Variants in NELL2 observed in about 807,000 individuals in gnomAD.
The protein encoded by NELL2 is protein kinase C-binding protein NELL2.
A neutral mutation model predicts 109.6 loss-of-function variants in NELL2; 41 were observed. The observed-to-expected ratio is 0.37, with a 90% CI of 0.29 to 0.49. The LOEUF (loss-of-function observed/expected upper bound fraction) is 0.49. NELL2 is among the 20% of genes least tolerant of loss of function. NELL2 has a pLI of 0.98. For missense variants in NELL2, 900 were observed against 1,008.3 expected (o/e 0.89, Z 1.45); for synonymous variants, 355 against 344.7 (o/e 1.03, Z -0.33).
chr12:44,745,622 T>A (rs1287905507), intron 9 of NELL2, among the ~76,000 whole-genome samples: 5 of 152,098 alleles, frequency 3.3e-5, no homozygotes, highest in African/African-American at 1.2e-4. Context: ...ACAAAATCAA[T>A]GTACAAAAAT....
At chr12:44,629,260 T>G (rs1946369795) in intron 13 of NELL2, among the ~76,000 whole-genome samples, 2 of 152,214 alleles carry the variant, frequency 1.3e-5, no homozygotes, top group East Asian at 3.8e-4. Context: ...AGTTTAATGT[T>G]AGCTTCAGAA....
chr12:44,517,713 C>G (rs1053294475), intron 19 of NELL2, among the ~76,000 whole-genome samples: 15 of 152,008 alleles, frequency 9.9e-5, no homozygotes, highest in African/African-American at 1.4e-4. Flanking sequence ...CCACATGTGG[C>G]TACTGACTAG....
chr12:44,538,002 T>C (rs1403889133), intron 15 of NELL2, among the ~76,000 whole-genome samples: 1 of 152,218 alleles, frequency 6.6e-6, no homozygotes, highest in Non-Finnish European at 1.5e-5. Flanking sequence ...CATTAGTTTA[T>C]AGTTCATAAT....
At chr12:44,630,332 G>C (rs1381452600) in intron 13 of NELL2, among the ~76,000 whole-genome samples, 1 of 152,074 alleles carries the variant, frequency 6.6e-6, no homozygotes, top group Non-Finnish European at 1.5e-5. Context: ...GCATGAAAAG[G>C]GGTGAAAAAA....
At chr12:44,814,562 G>A (rs1311208154) in intron 3 of NELL2, among the ~76,000 whole-genome samples, 1 of 152,022 alleles carries the variant, frequency 6.6e-6, no homozygotes, top group African/African-American at 2.4e-5. Flanking sequence ...CCTTGAAGAT[G>A]GGATTGCTCC....
chr12:44,780,643 C>A (rs557518893), intron 3 of NELL2, among the ~76,000 whole-genome samples: 1 of 152,128 alleles, frequency 6.6e-6, no homozygotes, highest in East Asian at 1.9e-4. Context: ...TCCATCTCAT[C>A]TTGGAAGTAA....
At chr12:44,687,300 C>G (rs1260276199) in intron 12 of NELL2, among the ~76,000 whole-genome samples, 1 of 152,216 alleles carries the variant, frequency 6.6e-6, no homozygotes, top group East Asian at 1.9e-4. Context: ...CCTGCGCCCA[C>G]TGTCTGGCAC....
intron 1 of NELL2, among the ~76,000 whole-genome samples, chr12:44,889,884 T>G (rs1945514424): frequency 6.6e-6 from 1 of 152,206 alleles, no homozygotes; most frequent in South Asian, 2.1e-4. Context: ...CTTTCCTGAC[T>G]CATCACATAA....
At chr12:44,539,385 G>T (rs1043584102) in intron 15 of NELL2, among the ~76,000 whole-genome samples, 1 of 152,000 alleles carries the variant, frequency 6.6e-6, no homozygotes, top group Non-Finnish European at 1.5e-5. Context: ...TGGCGGGGGG[G>T]ATGCCTTCAT....
upstream of NELL2, among the ~76,000 whole-genome samples, chr12:44,916,566 G>A (rs189299528): frequency 2.6e-5 from 4 of 152,108 alleles, no homozygotes. Context: ...AATCTCTAGA[G>A]CCATCTTTAC....
At chr12:44,690,136 T>C (rs983879565) in intron 12 of NELL2, among the ~76,000 whole-genome samples, 6 of 152,128 alleles carry the variant, frequency 3.9e-5, no homozygotes, top group African/African-American at 1.4e-4. Flanking sequence ...TCAAGCAATA[T>C]TAAGGTTGTG....
At chr12:44,565,862 A>T (rs1227458137) in intron 15 of NELL2, among the ~76,000 whole-genome samples, 1 of 152,162 alleles carries the variant, frequency 6.6e-6, no homozygotes, top group Non-Finnish European at 1.5e-5. Context: ...ATGAAGCTGG[A>T]GTGGCAAGTG....
At chr12:44,851,939 A>G (rs562664086) in intron 2 of NELL2, 27 of 152,320 alleles carry the variant, frequency 1.8e-4, no homozygotes, top group African/African-American at 6.3e-4. Context: ...TTTGCCCTTC[A>G]AAAGCATTTG....
intron 9 of NELL2, among the ~76,000 whole-genome samples, chr12:44,748,683 ACAGT>A (rs1940508031): frequency 6.6e-6 from 1 of 152,158 alleles, no homozygotes; most frequent in African/African-American, 2.4e-5. Flanking sequence ...AGGATTAGAA[ACAGT>A]CAGGCAGCTT....
At chr12:44,898,969 A>G (rs961683182) in intron 1 of NELL2, among the ~76,000 whole-genome samples, 10 of 152,170 alleles carry the variant, frequency 6.6e-5, no homozygotes, top group Non-Finnish European at 1.3e-4. Context: ...ATACACAAGT[A>G]TCAATAGCCA....
chr12:44,700,850 T>C (rs1949208290), intron 12 of NELL2, among the ~76,000 whole-genome samples: 1 of 152,152 alleles, frequency 6.6e-6, no homozygotes, highest in Admixed American at 6.6e-5. Context: ...TTGCACAAAG[T>C]AAGTACTCAA....
chr12:44,747,393 T>C (rs1300450444), intron 9 of NELL2, among the ~76,000 whole-genome samples: 2 of 152,072 alleles, frequency 1.3e-5, no homozygotes, highest in Non-Finnish European at 2.9e-5. Flanking sequence ...GGCACATGTA[T>C]ACATATGTAA....
At chr12:44,537,154 G>C (rs1268124672) in intron 15 of NELL2, among the ~76,000 whole-genome samples, 1 of 151,972 alleles carries the variant, frequency 6.6e-6, no homozygotes, top group Non-Finnish European at 1.5e-5. Context: ...CAGATCACTG[G>C]CTTCAGAGGC....
intron 1 of NELL2, among the ~76,000 whole-genome samples, chr12:44,909,262 C>G (rs796939828): frequency 1.8e-4 from 28 of 151,896 alleles, no homozygotes; most frequent in African/African-American, 6.0e-4. Context: ...ATAGAAAAAT[C>G]AGTAACATTC....
Sources: gnomAD v4.1 joint callset for allele counts (sites outside exome capture counted in the v4.1 genomes callset) on GRCh38, gnomAD v4.1.1 for gene constraint, MANE v1.5 for transcripts, NCBI Gene and HGNC (gene_info 2026-07-23, HGNC 2026-07-21) for gene names.